Variants in KCNQ3 observed in about 807,000 individuals in gnomAD.
The protein encoded by KCNQ3 is potassium voltage-gated channel subfamily Q member 3.
KCNQ3 carries 30 observed loss-of-function variants against 92.5 expected under a neutral mutation model. The observed-to-expected ratio is 0.32, with a 90% CI of 0.24 to 0.44. The LOEUF (loss-of-function observed/expected upper bound fraction) is 0.44, where lower values mean the gene tolerates loss of function less well. KCNQ3 is among the 20% of genes least tolerant of loss of function. The pLI is 1.00. For synonymous variants in KCNQ3, 450 were observed against 468.8 expected (o/e 0.96, Z 0.52); for missense variants, 913 against 1,140.3 (o/e 0.80, Z 2.87).
intron 1 of KCNQ3, chr8:132,447,393 C>G: frequency 1.4e-6 from 1 of 714,022 alleles, no homozygotes. Flanking sequence ...GAAGACACTG[C>G]AAGAAAGAAG....
intron 1 of KCNQ3, among the ~76,000 whole-genome samples, chr8:132,352,553 C>T (rs969813292): frequency 1.3e-5 from 2 of 152,178 alleles, no homozygotes; most frequent in African/African-American, 4.8e-5. Flanking sequence ...TGCCTGTGGG[C>T]ACCCTGGCAC....
intron 1 of KCNQ3, among the ~76,000 whole-genome samples, chr8:132,329,831 C>A (rs1818179499): frequency 6.6e-6 from 1 of 152,174 alleles, no homozygotes; most frequent in African/African-American, 2.4e-5. Context: ...CAGGACTACC[C>A]CACATGGTTG....
chr8:132,397,871 C>A (rs1160858923), intron 1 of KCNQ3, among the ~76,000 whole-genome samples: 2 of 152,192 alleles, frequency 1.3e-5, no homozygotes, highest in Non-Finnish European at 2.9e-5. Flanking sequence ...AACTATCTAT[C>A]CATCTATCTA....
chr8:132,289,993 G>A (rs1163474255), intron 1 of KCNQ3, among the ~76,000 whole-genome samples: 3 of 152,150 alleles, frequency 2.0e-5, no homozygotes, highest in African/African-American at 7.2e-5. Flanking sequence ...TTCTCAGAAG[G>A]AGCTTCAACC....
At chr8:132,171,348 A>C (rs1826342390) in intron 7 of KCNQ3, among the ~76,000 whole-genome samples, 1 of 152,246 alleles carries the variant, frequency 6.6e-6, no homozygotes, top group African/African-American at 2.4e-5. Context: ...CAACTGGAGA[A>C]AGCTCACCAG....
intron 1 of KCNQ3, among the ~76,000 whole-genome samples, chr8:132,242,870 C>T (rs1373992920): frequency 6.6e-6 from 1 of 152,144 alleles, no homozygotes; most frequent in Non-Finnish European, 1.5e-5. Flanking sequence ...ACTTCATTTT[C>T]CTAGTTTTAT....
chr8:132,282,174 C>T (rs910571695), intron 1 of KCNQ3, among the ~76,000 whole-genome samples: 1 of 152,172 alleles, frequency 6.6e-6, no homozygotes, highest in African/African-American at 2.4e-5. Context: ...TTTTATCTTC[C>T]AGACTCCAGC....
intron 1 of KCNQ3, among the ~76,000 whole-genome samples, chr8:132,260,183 C>A (rs1815733195): frequency 6.6e-6 from 1 of 152,076 alleles, no homozygotes; most frequent in Non-Finnish European, 1.5e-5. Flanking sequence ...CAGTTTTCTG[C>A]CCAAACTACA....
At chr8:132,344,811 G>T (rs16904663) in intron 1 of KCNQ3, among the ~76,000 whole-genome samples, 13,593 of 152,198 alleles carry the variant, frequency 0.089, 668 homozygotes, top group South Asian at 0.17. Context: ...GGAACCAGTT[G>T]GTGGAGTTAC....
chr8:132,406,603 CACAG>C (rs1412968015), intron 1 of KCNQ3, among the ~76,000 whole-genome samples: 11 of 152,074 alleles, frequency 7.2e-5, no homozygotes, highest in Non-Finnish European at 1.3e-4. Flanking sequence ...ACACTCAGCA[CACAG>C]ACAAATATGC....
intron 1 of KCNQ3, among the ~76,000 whole-genome samples, chr8:132,354,330 T>C (rs539873740): frequency 3.9e-5 from 6 of 152,278 alleles, no homozygotes; most frequent in Admixed American, 1.3e-4. Flanking sequence ...TGCTAAATGA[T>C]TGCTATATAG....
intron 1 of KCNQ3, among the ~76,000 whole-genome samples, chr8:132,460,263 G>A (rs1822032447): frequency 6.6e-6 from 1 of 152,108 alleles, no homozygotes; most frequent in Non-Finnish European, 1.5e-5. Flanking sequence ...TGAGCTGACA[G>A]CGCAAGGATA....
rs1381851622 is a variant in KCNQ3, at chr8:132,174,283, C to T, written c.1000G>A (p.Ala334Thr). ...GAGACGCCAATTAAGGAAAAGGTGG[C>T]GGCAATCAGACGGCCTTCCCACGTT... Reference protein sequence around the residue: ...PKTWEGRLIAATFSLIGVSFF... With the variant: ...PKTWEGRLIATTFSLIGVSFF... The change falls in exon 6 of 15, where the codon GCC (alanine) becomes ACC (threonine). Residue 334 changes from alanine (A) to threonine (T), a missense_variant. Around this residue, in one of 6 missense-constraint regions of KCNQ3, gnomAD observed 52 missense variants for 127.7 expected, o/e 0.41. Coordinates refer to ENST00000388996, the MANE Select transcript of KCNQ3 (RefSeq NM_004519.4). 9 of 1,551,936 alleles carry T rather than the reference C, an allele frequency of 5.8e-6. No individual in the cohort carries two copies. Among genetic ancestry groups the T allele is most frequent in the Admixed American group, 2.0e-5 (1 of 51,102 alleles).
intron 1 of KCNQ3, among the ~76,000 whole-genome samples, chr8:132,277,620 G>C (rs1248565281): frequency 1.3e-5 from 2 of 152,126 alleles, no homozygotes; most frequent in African/African-American, 2.4e-5. Context: ...CATGTCAAAA[G>C]ATATTTTTTT....
chr8:132,124,201 C>T lies in KCNQ3; in HGVS notation c.*5061G>A, dbSNP rs1167073690. The T allele has an allele frequency of 6.6e-6, 1 of 152,050 alleles. No individual in the cohort carries two copies. Among genetic ancestry groups the T allele is most frequent in the African/African-American group, 2.4e-5 (1 of 41,416 alleles). 9.4% of individuals were successfully genotyped at this position (152,050 alleles called of 1,614,324 possible). ...AAGCATTTTTATTTGCAGAGATGTA[C>T]TTATTTAAAAAGCAATTGTGAAAGC... On this transcript the variant is annotated 3_prime_UTR_variant, in exon 15 of 15. Transcript: ENST00000388996.
In KCNQ3 at chr8:132,260,712, G is replaced by A. The variant is rs185454122; in HGVS notation, c.387-74531C>T. The stretch of plus-strand genomic sequence containing the variant: ...AATTAAGTGTTCTCTGCTTGGAACC[G>A]CCTCAGTTTTCATTTATCAACTTCT... On this transcript the variant is annotated intron_variant, in intron 1 of 14. Coordinates refer to ENST00000388996, the MANE Select transcript of KCNQ3 (RefSeq NM_004519.4). Among the ~76,000 whole-genome samples the A allele has an allele frequency of 1.2e-4, 19 of 152,050 alleles. No homozygotes were observed. The East Asian group carries it at 1.7e-3, about 14-fold the overall frequency.
At chr8:132,442,024 T>C (rs1020330820) in intron 1 of KCNQ3, among the ~76,000 whole-genome samples, 4 of 152,092 alleles carry the variant, frequency 2.6e-5, no homozygotes, top group South Asian at 2.1e-4. Context: ...AGCTAAATGA[T>C]TGAGAATACA....
intron 1 of KCNQ3, among the ~76,000 whole-genome samples, chr8:132,258,447 A>G (rs1052886696): frequency 6.6e-6 from 1 of 152,162 alleles, no homozygotes; most frequent in East Asian, 1.9e-4. Flanking sequence ...AAATTAGAAA[A>G]TACTTTGACA....
At chr8:132,330,500 A>G (rs1366838334) in intron 1 of KCNQ3, among the ~76,000 whole-genome samples, 2 of 151,994 alleles carry the variant, frequency 1.3e-5, no homozygotes, top group Admixed American at 6.6e-5. Context: ...TCCTCTCGAC[A>G]CCAGCCCTTT....
Sources: allele counts gnomAD v4.1 joint callset (sites outside exome capture counted in the v4.1 genomes callset), GRCh38; gene constraint gnomAD v4.1.1; regional missense constraint gnomAD v4.1.1; transcripts MANE v1.5; gene names NCBI Gene and HGNC (gene_info 2026-07-23, HGNC 2026-07-21).